Variants in COL17A1 observed in about 807,000 individuals in gnomAD.
COL17A1 encodes collagen alpha-1(XVII) chain.
In COL17A1, 181 loss-of-function variants were observed where a neutral mutation model predicts 218.4. The observed-to-expected ratio is 0.83, with a 90% CI of 0.73 to 0.94. The LOEUF (loss-of-function observed/expected upper bound fraction) is 0.94, where lower values mean the gene tolerates loss of function less well. Ranked by LOEUF, COL17A1 falls within the 40% of genes least tolerant of loss-of-function variation. The pLI, the probability that COL17A1 is intolerant of heterozygous loss-of-function variation, is 0.00. For missense variants in COL17A1, 1,924 were observed against 1,945.9 expected (o/e 0.99, Z 0.21); for synonymous variants, 721 against 731.0 (o/e 0.99, Z 0.22).
chr10:104,035,476 C>G lies in COL17A1; in HGVS notation c.3506G>C (p.Arg1169Pro), dbSNP rs746933745. The change falls in exon 49 of 56, where the codon CGA (arginine) becomes CCA (proline). Residue 1169 changes from arginine to proline, a missense_variant and splice_region_variant. Arg to Pro is a moderately radical substitution (Grantham distance 103). Coordinates refer to ENST00000648076, the MANE Select transcript of COL17A1 (RefSeq NM_000494.4). ...TSYEELLSLL[R>P]GSEFRGIVGP... The stretch of plus-strand genomic sequence containing the variant: ...AGATGTCCCCTGCTGGGCCTTACCT[C>G]GCAGCAAGGAGAGGAGCTCCTCATA... 6.2e-7 allele frequency: 1 copy of G among 1,613,938 alleles called. No individual in the cohort carries two copies. Among genetic ancestry groups the G allele is most frequent in the Non-Finnish European group, 8.5e-7 (1 of 1,179,954 alleles).
At chr10:104,073,177 A>G in intron 7 of COL17A1, 33 bp downstream of exon 7, 1 of 1,602,924 alleles carries the variant, frequency 6.2e-7, no homozygotes, top group South Asian at 1.1e-5. Flanking sequence ...TACTTGTTGA[A>G]TGAATTGGAC....
At chr10:104,046,991 C>T (rs1370053826) in intron 31 of COL17A1, among the ~76,000 whole-genome samples, 1 of 152,208 alleles carries the variant, frequency 6.6e-6, no homozygotes, top group Non-Finnish European at 1.5e-5. Flanking sequence ...ACCACTTTCT[C>T]AGGCAATGGT....
intron 7 of COL17A1, 123 bp from the exon 8 acceptor site, chr10:104,072,202 A>G: frequency 7.0e-7 from 1 of 1,420,434 alleles, no homozygotes; most frequent in Admixed American, 2.0e-5. Flanking sequence ...CTCTGGAAAC[A>G]GGAAATCTAG....
In COL17A1 at chr10:104,039,974, T is replaced by C; in HGVS notation, c.2787A>G (p.Gln929=). The change falls in exon 41 of 56, where the codon CAA becomes CAG. Residue 929 remains glutamine (Q), a splice_region_variant and synonymous_variant. Coordinates refer to ENST00000648076, the MANE Select transcript of COL17A1 (RefSeq NM_000494.4). The part of the protein sequence containing the change: ...DQGPPGPRGH[Q]GEQGLPGFST... Reference sequence around the variant, plus strand: ...TGTTTGATGCCGGCTCTACTGTACCTTGGTGTCCTCTGGGGCCTGGGGGAC... The same window carrying C: ...TGTTTGATGCCGGCTCTACTGTACCCTGGTGTCCTCTGGGGCCTGGGGGAC... The C allele has an allele frequency of 6.2e-7, 1 of 1,614,076 alleles. No individual in the cohort carries two copies. Among genetic ancestry groups the C allele is most frequent in the Non-Finnish European group, 8.5e-7 (1 of 1,180,004 alleles).
chr10:104,032,247 A>G lies in COL17A1; in HGVS notation c.4482T>C (p.Ala1494=), dbSNP rs781259999. Reference sequence around the variant, plus strand: ...TGCCATGGCTAGCTCACGGCTTGACAGCAATACTTCTTCTCCTTCTCCGCC... The same window carrying G: ...TGCCATGGCTAGCTCACGGCTTGACGGCAATACTTCTTCTCCTTCTCCGCC... ...YAGRRRRRSI[A]VKP The change falls in exon 56 of 56, where the codon GCT becomes GCC. Residue 1494 remains alanine (A), a synonymous_variant. Coordinates refer to ENST00000648076, the MANE Select transcript of COL17A1 (RefSeq NM_000494.4). 6.8e-6 allele frequency: 11 copies of G among 1,613,892 alleles called. No homozygotes were observed. Among genetic ancestry groups the G allele is most frequent in the Non-Finnish European group, 9.3e-6 (11 of 1,179,904 alleles).
At chr10:104,051,389 C>T in intron 25 of COL17A1, 92 bp downstream of exon 25, 2 of 1,501,190 alleles carry the variant, frequency 1.3e-6, no homozygotes, top group Non-Finnish European at 1.8e-6. Context: ...TTTATAATTG[C>T]TTCTTTGGCT....
intron 2 of COL17A1, among the ~76,000 whole-genome samples, chr10:104,079,423 C>A (rs979396150): frequency 1.3e-5 from 2 of 151,958 alleles, no homozygotes; most frequent in Non-Finnish European, 2.9e-5. Context: ...TGGGCACATA[C>A]GTGTGGGGAA....
Position 104,033,046 on chromosome 10 carries a change from AAC to A in COL17A1, c.4295-80_4295-79del, listed in dbSNP as rs1486753003. On this transcript the variant is annotated intron_variant, in intron 53 of 55. Transcript: ENST00000648076. ...GGACATCAAGTCATTTGTTCAGAGT[AAC>A]ACAGAGAGATAGTGATGGAGTTTGG... The A allele has an allele frequency of 3.2e-6, 5 of 1,558,252 alleles. No individual in the cohort carries two copies. In the East Asian group the frequency reaches 7.0e-5, roughly 22 times the overall value.
Position 104,059,648 on chromosome 10 carries a change from G to A in COL17A1, c.1212C>T (p.Ala404=), listed in dbSNP as rs146490594. The A allele has an allele frequency of 8.6e-4, 1,391 of 1,614,132 alleles. 9 individuals carry two copies. The highest frequency in any genetic ancestry group is 7.1e-4 in the Non-Finnish European group (836 of 1,179,970). Residue 404 remains alanine (A), a synonymous_variant, in exon 15 of 56, where the codon GCC becomes GCT. Transcript: ENST00000648076. ...CATATTTGTTCTTACCATTAGCTTC[G>A]GCTTTTAGGCCTGAGTCAGCATTGT... ...AAYNADSGLK[A]EANGDLKTVS... is the part of the protein sequence containing the mutation.
Position 104,076,172 on chromosome 10 carries a change from A to C in COL17A1, c.331+129T>G, listed in dbSNP as rs2086708310. On this transcript the variant is annotated intron_variant, in intron 5 of 55. Coordinates refer to ENST00000648076, the MANE Select transcript of COL17A1 (RefSeq NM_000494.4). ...TCTTCAAGTAATGGAAGTCCATAAA[A>C]GAAATGAAGGAGGAGTGGGGAGAAA... 2.1e-6 allele frequency: 3 copies of C among 1,434,426 alleles called. No individual in the cohort carries two copies. In the Admixed American group the frequency reaches 5.1e-5, roughly 25 times the overall value. The allele number at this position is 1,434,426 out of a possible 1,614,324, so 88.9% of individuals were successfully genotyped here.
chr10:104,054,672 G>T (rs2086502565), intron 20 of COL17A1, among the ~76,000 whole-genome samples: 1 of 152,136 alleles, frequency 6.6e-6, no homozygotes. Context: ...CACCGTGGAT[G>T]ACTAAGATAA....
At chr10:104,036,065 TATGTGTATGGGA>T (rs2086287957) in intron 48 of COL17A1, among the ~76,000 whole-genome samples, 3 of 28,554 alleles carry the variant, frequency 1.1e-4, no homozygotes, top group Non-Finnish European at 2.6e-4. Flanking sequence ...TGTATGGGAG[TATGTGTATGGGA>T]GTGTGTATGG....
rs558553719 is a variant in COL17A1, at chr10:104,076,374, A to C, written c.258T>G (p.Pro86=). The change falls in exon 5 of 56, where the codon CCT becomes CCG. Residue 86 remains proline, a synonymous_variant. Coordinates refer to ENST00000648076, the MANE Select transcript of COL17A1 (RefSeq NM_000494.4). ...CTGGGGAGTTGGGCAGAGTGGAGGC[A>C]GGTGAGTGAGCCCTCCTGTAACTAG... is the stretch of plus-strand genomic sequence containing the variant. ...STSSYRRAHS[P]ASTLPNSPGS... is the part of the protein sequence containing the mutation. 2 of 1,614,202 alleles carry C rather than the reference A, an allele frequency of 1.2e-6. No individual in the cohort carries two copies. The highest frequency in any genetic ancestry group is 2.2e-5 in the South Asian group (2 of 91,088).
chr10:104,073,306 G>T, intron 6 of COL17A1, 61 bp from the exon 7 acceptor site: 1 of 1,448,098 alleles, frequency 6.9e-7, no homozygotes, highest in South Asian at 1.1e-5. Context: ...AAATACTTTT[G>T]ACATGGAGGC....
At position 104,047,873 on chromosome 10, in the gene COL17A1, T is replaced by A. The variant is rs781653968; in HGVS notation, c.2264-63A>T. ...TAGGAAAGCTAAACTGGTTATCACATCTGAACTGATAGTTTCTGAGGGTTT... is the reference window on the plus strand; with the variant it reads ...TAGGAAAGCTAAACTGGTTATCACAACTGAACTGATAGTTTCTGAGGGTTT... On this transcript the variant is annotated intron_variant, in intron 30 of 55. Coordinates refer to ENST00000648076, the MANE Select transcript of COL17A1 (RefSeq NM_000494.4). The A allele has an allele frequency of 1.5e-4, 216 of 1,473,326 alleles. 1 individual carries two copies. The highest frequency in any genetic ancestry group is 2.0e-4 in the Non-Finnish European group (208 of 1,051,922). 91.3% of individuals were successfully genotyped at this position (1,473,326 alleles called of 1,614,324 possible). A position where few individuals can be genotyped will look rare whatever the true frequency, so the allele number is the denominator to read the frequency against.
intron 46 of COL17A1, 148 bp from the exon 47 acceptor site, chr10:104,037,261 TAAC>T: frequency 1.3e-6 from 1 of 761,850 alleles, no homozygotes. Flanking sequence ...TTTGAAAGCA[TAAC>T]AAAGTCAAAT....
intron 2 of COL17A1, among the ~76,000 whole-genome samples, chr10:104,079,591 A>C (rs1316427288): frequency 6.6e-6 from 1 of 152,228 alleles, no homozygotes; most frequent in Non-Finnish European, 1.5e-5. Flanking sequence ...TCCTAGCAAG[A>C]AGATGCGGTT....
At position 104,035,230 on chromosome 10, in the gene COL17A1, C is replaced by T. The variant is rs377441320; in HGVS notation, c.3619+33G>A. On this transcript the variant is annotated intron_variant, in intron 50 of 55. Transcript: ENST00000648076. Reference sequence around the variant, plus strand: ...AGCCCCCAAGGCCCGGCTGCATCCCCTGCCCTCCCCATCCCACTCCACAGT... The same window carrying T: ...AGCCCCCAAGGCCCGGCTGCATCCCTTGCCCTCCCCATCCCACTCCACAGT... 4.3e-4 allele frequency: 672 copies of T among 1,580,176 alleles called. 3 individuals carry two copies. Among genetic ancestry groups the T allele is most frequent in the South Asian group, 1.2e-3 (104 of 88,820 alleles).
intron 50 of COL17A1, 86 bp from the exon 51 acceptor site, chr10:104,034,853 C>A: frequency 6.5e-7 from 1 of 1,548,066 alleles, no homozygotes; most frequent in Non-Finnish European, 8.8e-7. Flanking sequence ...GCTGTGGGCC[C>A]CACCTGAAAG....
Sources: allele counts gnomAD v4.1 joint callset (sites outside exome capture counted in the v4.1 genomes callset), GRCh38; gene constraint gnomAD v4.1.1; transcripts MANE v1.5; gene names NCBI Gene and HGNC (gene_info 2026-07-23, HGNC 2026-07-21).